The following HS2ST1 variants were observed in gnomAD, a reference collection of about 807,000 sequenced individuals.
HS2ST1 encodes the protein 2-O-sulfotransferase.
HS2ST1 carries 18 observed loss-of-function variants against 42.9 expected under a neutral mutation model. That is an observed-to-expected ratio of 0.42 (90% CI 0.29 to 0.62). HS2ST1 has a LOEUF of 0.62. HS2ST1 is among the 20% of genes least tolerant of loss of function. The pLI is 0.21. For missense variants in HS2ST1, 334 were observed against 433.8 expected (o/e 0.77, Z 2.04); for synonymous variants, 146 against 152.9 (o/e 0.95, Z 0.33).
At chr1:87,001,865 G>A (rs545646849) in intron 1 of HS2ST1, among the ~76,000 whole-genome samples, 17 of 151,780 alleles carry the variant, frequency 1.1e-4, no homozygotes, top group African/African-American at 3.9e-4. Flanking sequence ...CGTCCACATC[G>A]GCCTCCCAAA....
chr1:86,959,517 G>T (rs1444985886), intron 1 of HS2ST1, among the ~76,000 whole-genome samples: 2 of 152,158 alleles, frequency 1.3e-5, no homozygotes, highest in African/African-American at 4.8e-5. Context: ...AATCAGCTGG[G>T]CGTGGTGGTG....
intron 1 of HS2ST1, among the ~76,000 whole-genome samples, chr1:87,032,070 G>C (rs1311013728): frequency 6.6e-6 from 1 of 152,100 alleles, no homozygotes; most frequent in Non-Finnish European, 1.5e-5. Context: ...AAAATTCCAT[G>C]TGATATTTAA....
intron 2 of HS2ST1, among the ~76,000 whole-genome samples, chr1:87,074,244 A>G (rs1651484887): frequency 6.6e-6 from 1 of 152,198 alleles, no homozygotes; most frequent in Non-Finnish European, 1.5e-5. Flanking sequence ...TAACTCTTCT[A>G]TGAATGAGAA....
At chr1:87,101,704 C>T (rs1570549192) in intron 5 of HS2ST1, among the ~76,000 whole-genome samples, 1 of 152,294 alleles carries the variant, frequency 6.6e-6, no homozygotes, top group East Asian at 1.9e-4. Context: ...TTCCTGTCTT[C>T]TTCTGAGCCC....
chr1:87,020,407 C>G (rs1248419445), intron 1 of HS2ST1, among the ~76,000 whole-genome samples: 1 of 152,176 alleles, frequency 6.6e-6, no homozygotes, highest in Non-Finnish European at 1.5e-5. Flanking sequence ...CTAGTACATG[C>G]AGTGCTGAAA....
intron 1 of HS2ST1, among the ~76,000 whole-genome samples, chr1:87,063,581 C>T (rs574957403): frequency 7.0e-4 from 107 of 152,278 alleles, no homozygotes; most frequent in African/African-American, 2.5e-3. Flanking sequence ...ATGATCCACC[C>T]GCCTCGGCTT....
chr1:87,012,244 A>G (rs1480672266), intron 1 of HS2ST1, among the ~76,000 whole-genome samples: 1 of 152,186 alleles, frequency 6.6e-6, no homozygotes, highest in Non-Finnish European at 1.5e-5. Context: ...TAATAAAGAC[A>G]TACCCGAGAC....
At chr1:87,025,709 A>T (rs1264169523) in intron 1 of HS2ST1, among the ~76,000 whole-genome samples, 4 of 152,194 alleles carry the variant, frequency 2.6e-5, no homozygotes, top group African/African-American at 4.8e-5. Context: ...TTCACTAAGA[A>T]TTCCACATAA....
At chr1:86,950,700 AG>A (rs1647488029) in intron 1 of HS2ST1, among the ~76,000 whole-genome samples, 1 of 152,204 alleles carries the variant, frequency 6.6e-6, no homozygotes, top group South Asian at 2.1e-4. Context: ...TGTCTGTGCA[AG>A]TATGTGTAAA....
chr1:86,951,083 A>G (rs1044875041), intron 1 of HS2ST1, among the ~76,000 whole-genome samples: 1 of 152,238 alleles, frequency 6.6e-6, no homozygotes, highest in Non-Finnish European at 1.5e-5. Flanking sequence ...GTAAGTTTCA[A>G]TATTTGTTTC....
chr1:87,004,206 CGTG>C (rs1328735361), intron 1 of HS2ST1, among the ~76,000 whole-genome samples: 1 of 152,026 alleles, frequency 6.6e-6, no homozygotes, highest in African/African-American at 2.4e-5. Context: ...GCCTGGCCAA[CGTG>C]GTGAAACCCC....
intron 1 of HS2ST1, among the ~76,000 whole-genome samples, chr1:86,919,902 G>C (rs1236691481): frequency 2.0e-5 from 3 of 152,262 alleles, no homozygotes; most frequent in Non-Finnish European, 2.9e-5. Context: ...TAATTTTCTA[G>C]TGAGAAATGG....
At chr1:86,942,000 A>G (rs1221531416) in intron 1 of HS2ST1, among the ~76,000 whole-genome samples, 1 of 152,234 alleles carries the variant, frequency 6.6e-6, no homozygotes, top group Non-Finnish European at 1.5e-5. Flanking sequence ...GAGGTTATAA[A>G]TAGTTGATAA....
intron 1 of HS2ST1, among the ~76,000 whole-genome samples, chr1:86,980,830 G>A (rs533711172): frequency 2.9e-4 from 44 of 152,198 alleles, no homozygotes; most frequent in African/African-American, 1.1e-3. Context: ...ATTTATTAAC[G>A]GAAAATTGTC....
chr1:86,999,507 G>A (rs1649215417), intron 1 of HS2ST1, among the ~76,000 whole-genome samples: 2 of 152,092 alleles, frequency 1.3e-5, no homozygotes, highest in African/African-American at 4.8e-5. Flanking sequence ...GTTTTACCAT[G>A]TCATTTGTTA....
chr1:87,078,975 T>C (rs1651614078), intron 2 of HS2ST1, among the ~76,000 whole-genome samples: 1 of 152,084 alleles, frequency 6.6e-6, no homozygotes, highest in East Asian at 1.9e-4. Flanking sequence ...AGGATAAATA[T>C]TAAACTGTAA....
chr1:87,084,305 A>G (rs777398975), intron 3 of HS2ST1, 26 bp downstream of exon 3: 20 of 1,299,368 alleles, frequency 1.5e-5, no homozygotes, highest in Admixed American at 3.6e-5. Context: ...ATGACACGCT[A>G]AAGAATGCTT....
chr1:87,012,384 G>T (rs1557515095), intron 1 of HS2ST1, among the ~76,000 whole-genome samples: 1 of 152,110 alleles, frequency 6.6e-6, no homozygotes, highest in Non-Finnish European at 1.5e-5. Context: ...GAGAGCTTGT[G>T]CAGGGGACAA....
intron 5 of HS2ST1, among the ~76,000 whole-genome samples, chr1:87,101,987 C>G (rs1778010): frequency 0.78 from 119,135 of 152,132 alleles, 47,334 homozygotes; most frequent in East Asian, 0.97. Flanking sequence ...AAGTGAAGTG[C>G]GAGCAGGCAC....
Sources: gnomAD v4.1 joint callset for allele counts (sites outside exome capture counted in the v4.1 genomes callset) on GRCh38, gnomAD v4.1.1 for gene constraint, MANE v1.5 for transcripts, NCBI Gene and HGNC (gene_info 2026-07-23, HGNC 2026-07-21) for gene names.